UROS: variants seen among roughly 807,000 people sequenced by gnomAD.
The protein encoded by UROS is uroporphyrinogen III synthase, also known as uroporphyrinogen-III synthase.
In UROS, 18 loss-of-function variants were observed where a neutral mutation model predicts 33.0. The observed-to-expected ratio is 0.55, with a 90% CI of 0.38 to 0.81. The LOEUF (loss-of-function observed/expected upper bound fraction) is 0.81, where lower values mean the gene tolerates loss of function less well. Ranked by LOEUF, UROS falls within the 30% of genes least tolerant of loss-of-function variation. UROS has a pLI of 0.00. For missense variants in UROS, 293 were observed against 314.9 expected, an observed-to-expected ratio of 0.93 and a Z score of 0.53; for synonymous variants, 114 against 121.1, an observed-to-expected ratio of 0.94 and a Z score of 0.38.
At chr10:125,797,979 T>G in intron 7 of UROS, 86 bp downstream of exon 7, 7 of 1,506,492 alleles carry the variant, frequency 4.6e-6, no homozygotes, top group Non-Finnish European at 6.5e-6. Flanking sequence ...TTGTGTGCTC[T>G]CTGCAGGGCC....
rs201539568 is a variant in UROS at position 125,794,934 on chromosome 10, T to C, written c.606A>G (p.Thr202=). The change falls in exon 9 of 10, where the codon ACA becomes ACG. Residue 202 remains threonine (T), a synonymous_variant. Coordinates refer to ENST00000368797, the MANE Select transcript of UROS (RefSeq NM_000375.3). ...SITFFSPSGL[T]YSLKHIQELS... is the part of the protein sequence containing the mutation. ...ACTCCTGAATGTGCTTGAGACTGTA[T>C]GTGAGGCCAGAGGGACTAAAAAATG... is the stretch of plus-strand genomic sequence containing the variant. 4.2e-5 allele frequency: 68 copies of C among 1,614,144 alleles called. No homozygotes were observed. In the East Asian group the frequency reaches 1.4e-3, roughly 34 times the overall value.
chr10:125,820,236 C>G (rs1853754664), intron 1 of UROS, among the ~76,000 whole-genome samples: 1 of 152,152 alleles, frequency 6.6e-6, no homozygotes, highest in East Asian at 1.9e-4. Flanking sequence ...GTCCCATGAT[C>G]TGCTGTCTGC....
chr10:125,789,015 CAG>C lies in UROS; in HGVS notation c.661-12_661-11del, dbSNP rs1448010893. The C allele has an allele frequency of 9.3e-6, 15 of 1,612,672 alleles. No individual in the cohort carries two copies. Among genetic ancestry groups the C allele is most frequent in the Admixed American group, 1.7e-5 (1 of 60,004 alleles). ...GGCCGATGGCTGCAAACTATAAAGA[CAG>C]AAGAGAAAACAGGGCTTCAGCACAC... On this transcript the variant is annotated splice_polypyrimidine_tract_variant and intron_variant, in intron 9 of 9. Coordinates refer to ENST00000368797, the MANE Select transcript of UROS (RefSeq NM_000375.3).
At chr10:125,818,729 TCA>T (rs957471389) in intron 1 of UROS, among the ~76,000 whole-genome samples, 6 of 152,114 alleles carry the variant, frequency 3.9e-5, no homozygotes, top group African/African-American at 1.4e-4. Context: ...TGCCTCAGTC[TCA>T]GTTTCAGATT....
At chr10:125,803,155 C>T in intron 6 of UROS, 1 of 1,279,192 alleles carries the variant, frequency 7.8e-7, no homozygotes, top group Non-Finnish European at 1.1e-6. Flanking sequence ...CCACTATTAG[C>T]TCTGTTCCTT....
At chr10:125,786,919 G>C (rs1589902334), downstream of UROS, among the ~76,000 whole-genome samples, 1 of 152,132 alleles carries the variant, frequency 6.6e-6, no homozygotes, top group Non-Finnish European at 1.5e-5. Flanking sequence ...ACGTTCTCAG[G>C]AATCTCCAGC....
chr10:125,811,667 T>C (rs1852822900), intron 5 of UROS, among the ~76,000 whole-genome samples: 1 of 152,228 alleles, frequency 6.6e-6, no homozygotes, highest in African/African-American at 2.4e-5. Flanking sequence ...TACAGGCTAA[T>C]TTATGACAAT....
chr10:125,788,482 G>T, downstream of UROS: 1 of 1,034,636 alleles, frequency 9.7e-7, no homozygotes, highest in East Asian at 6.3e-5. Context: ...CAAATTTTCT[G>T]ATTCATAGCA....
intron 7 of UROS, chr10:125,796,839 A>G (rs568741431): frequency 2.4e-4 from 234 of 985,440 alleles, no homozygotes; most frequent in Non-Finnish European, 2.7e-4. Context: ...ATGGTAGGTG[A>G]AAAGTAGTGA....
At chr10:125,808,039 A>C (rs10794024) in intron 5 of UROS, among the ~76,000 whole-genome samples, 62,534 of 152,084 alleles carry the variant, frequency 0.41, 13,205 homozygotes, top group Non-Finnish European at 0.47. Context: ...AGGGACCCAC[A>C]GCGCTACAAA....
chr10:125,809,433 TA>T lies in UROS; in HGVS notation c.320-1947del, dbSNP rs1852608841. On this transcript the variant is annotated intron_variant, in intron 5 of 9. Coordinates refer to ENST00000368797, the MANE Select transcript of UROS (RefSeq NM_000375.3). Reference sequence around the variant, plus strand: ...AATTAAAATGTTATTAAAATATGCATATATTATTGAACCAAATAATGTTCTC... The same window carrying T: ...AATTAAAATGTTATTAAAATATGCATTATTATTGAACCAAATAATGTTCTC... Among the ~76,000 whole-genome samples the T allele has an allele frequency of 3.9e-5, 6 of 152,360 alleles. No homozygotes were observed. The South Asian group carries it at 1.2e-3, about 32-fold the overall frequency.
intron 8 of UROS, 133 bp downstream of exon 8, chr10:125,795,969 GA>G: frequency 4.9e-6 from 4 of 821,496 alleles, no homozygotes; most frequent in Non-Finnish European, 8.6e-6. Flanking sequence ...TATGTGACAG[GA>G]AAAGGCATGC....
rs373543683 is a variant in UROS, at chr10:125,798,153, T to C, written c.395-8A>G. 21 of 1,613,452 alleles carry C rather than the reference T, an allele frequency of 1.3e-5. No individual in the cohort carries two copies. Among genetic ancestry groups the C allele is most frequent in the Non-Finnish European group, 1.8e-5 (21 of 1,179,566 alleles). ...GCAGTGCTGAGGACTCCCCTGTGAA[T>C]AAATAACCAGGCTTTGTGAAAACTC... On this transcript the variant is annotated splice_polypyrimidine_tract_variant and splice_region_variant and intron_variant, in intron 6 of 9. Coordinates refer to ENST00000368797, the MANE Select transcript of UROS (RefSeq NM_000375.3).
intron 9 of UROS, among the ~76,000 whole-genome samples, chr10:125,794,578 C>G (rs1363454626): frequency 2.0e-5 from 3 of 152,192 alleles, no homozygotes; most frequent in Non-Finnish European, 4.4e-5. Context: ...TGAGCTAATT[C>G]AGGACTTTAC....
intron 9 of UROS, among the ~76,000 whole-genome samples, chr10:125,790,174 C>T (rs767678959): frequency 2.0e-5 from 3 of 152,112 alleles, no homozygotes; most frequent in Non-Finnish European, 4.4e-5. Context: ...CCCGCTCCCA[C>T]CCCGCCCACA....
At chr10:125,795,923 T>C (rs1258161207) in intron 8 of UROS, among the ~76,000 whole-genome samples, 180 bp downstream of exon 8, 3 of 152,114 alleles carry the variant, frequency 2.0e-5, no homozygotes, top group African/African-American at 2.4e-5. Flanking sequence ...AACCACAAAA[T>C]TGTTTCCATT....
intron 9 of UROS, among the ~76,000 whole-genome samples, 177 bp downstream of exon 9, chr10:125,794,703 G>A (rs986351830): frequency 6.6e-6 from 1 of 152,106 alleles, no homozygotes. Context: ...AAACGGGCTG[G>A]GAGAAGGTGA....
rs925401263 is a variant in UROS at position 125,788,592 on chromosome 10, T to TA, written c.*275dup. The TA allele has an allele frequency of 1.4e-6, 2 of 1,382,100 alleles. No individual in the cohort carries two copies. Among genetic ancestry groups the TA allele is most frequent in the African/African-American group, 2.9e-5 (2 of 69,026 alleles). 85.6% of individuals were successfully genotyped at this position (1,382,100 alleles called of 1,614,324 possible). On this transcript the variant is annotated 3_prime_UTR_variant, in exon 10 of 10. Coordinates refer to ENST00000368797, the MANE Select transcript of UROS (RefSeq NM_000375.3). ...CAACCATACACTCAGTAAGCACAGG[T>TA]AGTCAGTGTGGTTTATTTGACTTCC...
chr10:125,798,771 G>A (rs967216839), intron 6 of UROS, among the ~76,000 whole-genome samples: 2 of 152,200 alleles, frequency 1.3e-5, no homozygotes, highest in African/African-American at 4.8e-5. Context: ...CACAACCTCT[G>A]CTCCCAGCAT....
Sources: allele counts gnomAD v4.1 joint callset (sites outside exome capture counted in the v4.1 genomes callset), GRCh38; gene constraint gnomAD v4.1.1; transcripts MANE v1.5; gene names NCBI Gene and HGNC (gene_info 2026-07-23, HGNC 2026-07-21).